Variants in LARS1 observed in about 807,000 individuals in gnomAD.
The protein encoded by LARS1 is leucine--tRNA ligase, cytoplasmic.
In LARS1, 100 loss-of-function variants were observed where a neutral mutation model predicts 162.8. The observed-to-expected ratio is 0.61, with a 90% CI of 0.52 to 0.73. The LOEUF (loss-of-function observed/expected upper bound fraction) is 0.73, where lower values mean the gene tolerates loss of function less well. LARS1 is among the 30% of genes least tolerant of loss of function. The pLI, the probability that LARS1 is intolerant of heterozygous loss-of-function variation, is 0.00. For missense variants in LARS1, 1,258 were observed against 1,408.9 expected (o/e 0.89, Z 1.71); for synonymous variants, 457 against 462.8 (o/e 0.99, Z 0.16).
Position 146,153,883 on chromosome 5 carries a change from A to G in LARS1, c.1153+10T>C, listed in dbSNP as rs763041533. On this transcript the variant is annotated intron_variant, in intron 11 of 31. Coordinates refer to ENST00000394434, the MANE Select transcript of LARS1 (RefSeq NM_020117.11). ...ATCAAAATATTTCTAGAAATAAATA[A>G]ACTCTTTACCTTTATCCTCCTTAAT... The G allele has an allele frequency of 6.2e-7, 1 of 1,609,078 alleles. No individual in the cohort carries two copies. The highest frequency in any genetic ancestry group is 8.5e-7 in the Non-Finnish European group (1 of 1,175,698).
intron 20 of LARS1, 114 bp downstream of exon 20, chr5:146,142,758 T>A (rs1752840925): frequency 1.3e-6 from 1 of 780,488 alleles, no homozygotes; most frequent in Admixed American, 3.0e-5. Context: ...AGAAAAAGAA[T>A]GTAACTGGCA....
At chr5:146,162,562 C>T (rs67721586) in intron 6 of LARS1, among the ~76,000 whole-genome samples, 13,309 of 152,096 alleles carry the variant, frequency 0.088, 714 homozygotes, top group African/African-American at 0.15. Context: ...TTCTTAAAGG[C>T]CTTAAAATTT....
intron 19 of LARS1, 154 bp downstream of exon 19, chr5:146,143,258 T>C (rs1417690807): frequency 2.1e-6 from 2 of 969,216 alleles, no homozygotes; most frequent in African/African-American, 3.2e-5. Context: ...AGTAAGGGGC[T>C]ATTTATTAAT....
chr5:146,115,752 T>C (rs1764178542), intron 31 of LARS1, among the ~76,000 whole-genome samples: 1 of 152,132 alleles, frequency 6.6e-6, no homozygotes, highest in African/African-American at 2.4e-5. Context: ...CAGAAATGAC[T>C]ACAAATGCTG....
At position 146,126,569 on chromosome 5, in the gene LARS1, T is replaced by A. The variant is rs112827023; in HGVS notation, c.2881-24A>T. On this transcript the variant is annotated intron_variant, in intron 27 of 31. Coordinates refer to ENST00000394434, the MANE Select transcript of LARS1 (RefSeq NM_020117.11). ...GCCTAAGAAAAGGAAGGAGGGAGAG[T>A]AATGTAGAAAAAAAAGTCTCAAGAA... 19 of 1,524,882 alleles carry A rather than the reference T, an allele frequency of 1.2e-5. No individual in the cohort carries two copies. In the African/African-American group the frequency reaches 2.1e-4, roughly 16 times the overall value. 94.5% of individuals were successfully genotyped at this position (1,524,882 alleles called of 1,614,324 possible).
chr5:146,179,929 C>T (rs1754761096), intron 1 of LARS1, among the ~76,000 whole-genome samples: 1 of 152,182 alleles, frequency 6.6e-6, no homozygotes, highest in African/African-American at 2.4e-5. Flanking sequence ...CTAAATTCCT[C>T]CTTAACCAAC....
intron 6 of LARS1, 27 bp from the exon 7 acceptor site, chr5:146,160,513 A>C: frequency 8.0e-7 from 1 of 1,248,884 alleles, no homozygotes; most frequent in Non-Finnish European, 1.1e-6. Flanking sequence ...TTAAAAGGCA[A>C]TTACTGAGAA....
chr5:146,126,622 C>T (rs1424409702), intron 27 of LARS1, 77 bp from the exon 28 acceptor site: 1 of 911,168 alleles, frequency 1.1e-6, no homozygotes, highest in Non-Finnish European at 1.8e-6. Context: ...TGTGACCAGG[C>T]ATAGAATGGT....
Position 146,143,003 on chromosome 5 carries a change from T to A in LARS1, c.1959A>T (p.Glu653Asp). The A allele has an allele frequency of 1.2e-6, 2 of 1,614,014 alleles. No homozygotes were observed. Residue 653 changes from glutamate to aspartate, a missense_variant, in exon 20 of 32, where the codon GAA becomes GAT. Glu to Asp is a conservative substitution (Grantham distance 45, BLOSUM62 2). Coordinates refer to ENST00000394434, the MANE Select transcript of LARS1 (RefSeq NM_020117.11). ...ACTCCTGCTTTAACTGATCTAATTT[T>A]TCCTTTGCAATCTGAGTCTTAGGAA... is the stretch of plus-strand genomic sequence containing the variant. ...APFPKTQIAK[E>D]KLDQLKQEFE...
intron 5 of LARS1, 108 bp downstream of exon 5, chr5:146,168,020 T>C (rs1021411725): frequency 1.1e-6 from 1 of 945,332 alleles, no homozygotes; most frequent in Non-Finnish European, 1.5e-6. Context: ...TTTAAAAAAA[T>C]GATCTAGTAC....
At chr5:146,179,308 C>G (rs1331648985) in intron 1 of LARS1, among the ~76,000 whole-genome samples, 1 of 151,978 alleles carries the variant, frequency 6.6e-6, no homozygotes, top group Non-Finnish European at 1.5e-5. Context: ...ATTACAGGTG[C>G]GTGCCACCAT....
At chr5:146,122,355 G>A (rs565473655) in intron 30 of LARS1, 137 bp downstream of exon 30, 1 of 523,786 alleles carries the variant, frequency 1.9e-6, no homozygotes, top group African/African-American at 1.9e-5. Context: ...CACTCTATGG[G>A]GTCTACAACA....
chr5:146,159,308 T>C, intron 8 of LARS1, 99 bp downstream of exon 8: 2 of 850,364 alleles, frequency 2.4e-6, no homozygotes, highest in Admixed American at 2.1e-5. Flanking sequence ...ACTACATCCC[T>C]CAGCACTACA....
chr5:146,123,925 A>G, intron 29 of LARS1, 57 bp downstream of exon 29: 3 of 830,770 alleles, frequency 3.6e-6, no homozygotes, highest in Non-Finnish European at 3.8e-6. Context: ...AAAATAAAAG[A>G]GCTGGATTAT....
At chr5:146,173,670 C>T (rs61115635) in intron 2 of LARS1, among the ~76,000 whole-genome samples, 18,186 of 151,598 alleles carry the variant, frequency 0.12, 1,243 homozygotes, top group Non-Finnish European at 0.15. Context: ...GAATATCTAA[C>T]ATACATACTG....
chr5:146,175,268 G>A (rs887190967), intron 2 of LARS1, among the ~76,000 whole-genome samples: 23 of 151,540 alleles, frequency 1.5e-4, no homozygotes, highest in African/African-American at 2.4e-4. Flanking sequence ...GATAATGGGC[G>A]GGCACAGTGG....
At chr5:146,123,624 G>A (rs73315738) in intron 29 of LARS1, among the ~76,000 whole-genome samples, 4,391 of 151,454 alleles carry the variant, frequency 0.029, 219 homozygotes, top group African/African-American at 0.1. Flanking sequence ...TCAAAAGGGA[G>A]GGGGGAAAAA....
intron 31 of LARS1, among the ~76,000 whole-genome samples, chr5:146,116,812 G>A (rs1049570910): frequency 3.3e-5 from 5 of 152,106 alleles, no homozygotes; most frequent in South Asian, 2.1e-4. Flanking sequence ...AGTTCCTCCC[G>A]GACCCAGATC....
chr5:146,143,827 C>T (rs750720144), intron 18 of LARS1, among the ~76,000 whole-genome samples: 3 of 151,730 alleles, frequency 2.0e-5, no homozygotes, highest in Non-Finnish European at 4.4e-5. Context: ...GGTGAAACCC[C>T]GTCTCTACTA....
Sources: gnomAD v4.1 joint callset for allele counts (sites outside exome capture counted in the v4.1 genomes callset) on GRCh38, gnomAD v4.1.1 for gene constraint, MANE v1.5 for transcripts, NCBI Gene and HGNC (gene_info 2026-07-23, HGNC 2026-07-21) for gene names.